The following KCTD20 variants were observed in gnomAD, a reference collection of about 807,000 sequenced individuals.
KCTD20 encodes potassium channel tetramerization domain containing 20, also known as BTB/POZ domain-containing protein KCTD20.
Under a neutral mutation model 39.6 loss-of-function variants are expected in KCTD20, and 30 were observed. The observed-to-expected ratio is 0.76, with a 90% CI of 0.57 to 1.03. The LOEUF (loss-of-function observed/expected upper bound fraction) is 1.03, where lower values mean the gene tolerates loss of function less well. KCTD20 is among the 50% of genes least tolerant of loss of function. The pLI, the probability that KCTD20 is intolerant of heterozygous loss-of-function variation, is 0.00. For missense variants in KCTD20, 422 were observed against 522.0 expected, an observed-to-expected ratio of 0.81 and a Z score of 1.87; for synonymous variants, 162 against 180.6, an observed-to-expected ratio of 0.90 and a Z score of 0.83.
At chr6:36,477,151 TTA>T (rs988689129) in intron 3 of KCTD20, among the ~76,000 whole-genome samples, 1 of 152,186 alleles carries the variant, frequency 6.6e-6, no homozygotes, top group Non-Finnish European at 1.5e-5. Context: ...TGTCCTATGA[TTA>T]TATACAGTAC....
intron 1 of KCTD20, among the ~76,000 whole-genome samples, chr6:36,449,852 C>T (rs879355664): frequency 2.0e-5 from 3 of 152,092 alleles, no homozygotes; most frequent in Admixed American, 6.6e-5. Flanking sequence ...AGTTCAGCCC[C>T]GACAATCTGT....
intron 1 of KCTD20, among the ~76,000 whole-genome samples, chr6:36,454,653 T>C (rs1038021937): frequency 1.3e-5 from 2 of 150,380 alleles, no homozygotes; most frequent in Admixed American, 1.3e-4. Context: ...TTTTTTTTTT[T>C]CTTGAGTCGG....
chr6:36,479,461 A>G, intron 4 of KCTD20, 130 bp from the exon 5 acceptor site: 1 of 871,708 alleles, frequency 1.1e-6, no homozygotes. Flanking sequence ...TTTGCCATCT[A>G]ATGAATCATC....
At chr6:36,473,718 A>G (rs2127447447) in intron 2 of KCTD20, among the ~76,000 whole-genome samples, 1 of 152,264 alleles carries the variant, frequency 6.6e-6, no homozygotes, top group South Asian at 2.1e-4. Flanking sequence ...GCTTGCAGTG[A>G]GCTGAGATCG....
intron 5 of KCTD20, among the ~76,000 whole-genome samples, chr6:36,480,848 G>C (rs778085264): frequency 3.3e-5 from 5 of 152,168 alleles, no homozygotes; most frequent in African/African-American, 1.2e-4. Context: ...CACTGCACCC[G>C]GCCTATTATT....
intron 1 of KCTD20, among the ~76,000 whole-genome samples, chr6:36,462,031 C>T (rs1046903456): frequency 6.6e-6 from 1 of 152,136 alleles, no homozygotes; most frequent in Non-Finnish European, 1.5e-5. Context: ...AATTTTCTGC[C>T]TTGCCAAGCT....
At chr6:36,471,598 T>C (rs550358274) in intron 2 of KCTD20, among the ~76,000 whole-genome samples, 7 of 152,260 alleles carry the variant, frequency 4.6e-5, no homozygotes, top group African/African-American at 1.7e-4. Flanking sequence ...CAGGTTCACA[T>C]TGCTAGGAGG....
chr6:36,483,113 C>T (rs1401189750), intron 6 of KCTD20, among the ~76,000 whole-genome samples: 7 of 111,838 alleles, frequency 6.3e-5, no homozygotes, highest in Admixed American at 3.8e-4. Context: ...AGCGAGACTC[C>T]GTTTCAAAAA....
chr6:36,485,666 T>C lies in KCTD20; in HGVS notation c.967+842T>C, dbSNP rs188836326. On this transcript the variant is annotated intron_variant, in intron 7 of 7. Coordinates refer to ENST00000373731, the MANE Select transcript of KCTD20 (RefSeq NM_173562.5). Reference sequence around the variant, plus strand: ...CCGCAACCATGCCCGGCTAATTTCTTGTATTTTTAGTAGAGACGGTGTTTC... The same window carrying C: ...CCGCAACCATGCCCGGCTAATTTCTCGTATTTTTAGTAGAGACGGTGTTTC... Among the ~76,000 whole-genome samples, 488 of 152,164 alleles carry C rather than the reference T, an allele frequency of 3.2e-3. 2 individuals are homozygous for C. Among genetic ancestry groups the C allele is most frequent in the African/African-American group, 0.011 (469 of 41,510 alleles).
At chr6:36,471,675 G>A (rs1775913412) in intron 2 of KCTD20, among the ~76,000 whole-genome samples, 1 of 152,160 alleles carries the variant, frequency 6.6e-6, no homozygotes, top group Non-Finnish European at 1.5e-5. Context: ...CCGCTGAAGA[G>A]TACACCATTA....
At chr6:36,459,659 T>A (rs2127436172) in intron 1 of KCTD20, among the ~76,000 whole-genome samples, 1 of 152,318 alleles carries the variant, frequency 6.6e-6, no homozygotes, top group Non-Finnish European at 1.5e-5. Flanking sequence ...GTGGATTGTT[T>A]ATAAACATGA....
chr6:36,475,940 C>A (rs1450823788), intron 3 of KCTD20, among the ~76,000 whole-genome samples: 1 of 152,080 alleles, frequency 6.6e-6, no homozygotes, highest in African/African-American at 2.4e-5. Context: ...AATCTTTAAA[C>A]CTAGTTGTTT....
Position 36,469,698 on chromosome 6 carries a change from A to G in KCTD20, c.-46-354A>G, listed in dbSNP as rs947230780. 2.0e-5 allele frequency among the ~76,000 whole-genome samples: 3 copies of G among 152,148 alleles called. No individual in the cohort carries two copies. Among genetic ancestry groups the G allele is most frequent in the Non-Finnish European group, 4.4e-5 (3 of 68,034 alleles). ...AAAACATAGGTTTTCTTTAGTTGAA[A>G]AGTTGGACTCTCTGCTGCCCTATGT... On this transcript the variant is annotated intron_variant, in intron 1 of 7. Coordinates refer to ENST00000373731, the MANE Select transcript of KCTD20 (RefSeq NM_173562.5). This position sits in a 1 kb window ranked among gnomAD's most constrained non-coding sequence, Gnocchi z 4.6.
At chr6:36,474,163 C>T (rs75128923) in intron 2 of KCTD20, among the ~76,000 whole-genome samples, 2 of 151,842 alleles carry the variant, frequency 1.3e-5, no homozygotes, top group African/African-American at 4.8e-5. Flanking sequence ...CATGCTGGTG[C>T]GCTGCACCCA....
intron 1 of KCTD20, among the ~76,000 whole-genome samples, chr6:36,455,564 T>C (rs1231195248): frequency 1.3e-5 from 2 of 151,750 alleles, no homozygotes; most frequent in Non-Finnish European, 2.9e-5. Context: ...CTTTCTCTAT[T>C]AGCGTTCCAC....
intron 3 of KCTD20, among the ~76,000 whole-genome samples, chr6:36,477,774 A>G (rs990861242): frequency 7.2e-6 from 1 of 138,910 alleles, no homozygotes; most frequent in African/African-American, 2.6e-5. Flanking sequence ...GTGAGCCACC[A>G]CACCCGGCCG....
chr6:36,443,224 G>C (rs1774927638), intron 1 of KCTD20, 113 bp downstream of exon 1: 1 of 152,548 alleles, frequency 6.6e-6, no homozygotes, highest in South Asian at 2.1e-4. Context: ...CTCCGGACGC[G>C]GCGGCGGTTC....
intron 3 of KCTD20, among the ~76,000 whole-genome samples, chr6:36,475,543 G>A (rs998832914): frequency 1.3e-5 from 2 of 152,000 alleles, no homozygotes; most frequent in African/African-American, 2.4e-5. Context: ...TTGGTATTTC[G>A]GGGTGGGGAG....
intron 1 of KCTD20, among the ~76,000 whole-genome samples, chr6:36,456,887 C>G (rs4713977): frequency 0.048 from 7,306 of 152,212 alleles, 447 homozygotes; most frequent in Admixed American, 0.16. Context: ...AGGCTAGTCT[C>G]ATGCAATCCT....
Sources: gnomAD v4.1 joint callset for allele counts (sites outside exome capture counted in the v4.1 genomes callset) on GRCh38, gnomAD v4.1.1 for gene constraint, Gnocchi (gnomAD v3.1) non-coding constraint, MANE v1.5 for transcripts, NCBI Gene and HGNC (gene_info 2026-07-23, HGNC 2026-07-21) for gene names.